The following MTBP variants were observed in gnomAD, a reference collection of about 807,000 sequenced individuals.
MTBP encodes mdm2-binding protein.
In MTBP, 101 loss-of-function variants were observed where a neutral mutation model predicts 117.0. The ratio of observed to expected loss-of-function variants is 0.86; its 90% CI spans 0.73 to 1.02. The LOEUF (loss-of-function observed/expected upper bound fraction) is 1.02, where lower values mean the gene tolerates loss of function less well. Ranked by LOEUF, MTBP falls within the 50% of genes least tolerant of loss-of-function variation. The probability of loss-of-function intolerance (pLI) is 0.00; values close to 1 mark genes in which losing one functional copy is unlikely to be tolerated. For synonymous variants in MTBP, 350 were observed against 351.5 expected (o/e 1.00, Z 0.05); for missense variants, 970 against 1,030.9 (o/e 0.94, Z 0.81).
intron 11 of MTBP, among the ~76,000 whole-genome samples, chr8:120,476,145 A>G (rs918895476): frequency 2.6e-5 from 4 of 152,198 alleles, no homozygotes; most frequent in Middle Eastern, 3.4e-3. Flanking sequence ...CACATCATGT[A>G]TACTTTTGTT....
intron 6 of MTBP, among the ~76,000 whole-genome samples, chr8:120,455,890 T>C: frequency 6.6e-6 from 1 of 152,108 alleles, no homozygotes; most frequent in East Asian, 1.9e-4. Flanking sequence ...TCATGTTGTA[T>C]TTGGTTTTCT....
intron 14 of MTBP, among the ~76,000 whole-genome samples, chr8:120,501,019 G>A (rs1278119311): frequency 5.3e-5 from 8 of 151,986 alleles, no homozygotes; most frequent in South Asian, 2.1e-4. Flanking sequence ...GTGAAACCCC[G>A]TCCCTACTGA....
At position 120,453,903 on chromosome 8, in the gene MTBP, C is replaced by A; in HGVS notation, c.482C>A (p.Pro161His). The A allele has an allele frequency of 6.4e-7, 1 of 1,551,482 alleles. No individual in the cohort carries two copies. The highest frequency in any genetic ancestry group is 8.8e-7 in the Non-Finnish European group (1 of 1,138,232). Residue 161 changes from proline to histidine, a missense_variant and splice_region_variant, in exon 5 of 22, where the codon CCT (proline) becomes CAT (histidine). Physicochemically the swap from Pro to His is moderately conservative, Grantham distance 77. Coordinates refer to ENST00000305949, the MANE Select transcript of MTBP (RefSeq NM_022045.5). Reference protein sequence around the residue: ...LHQLSDKLPAPGRAMVDIILL... With the variant: ...LHQLSDKLPAHGRAMVDIILL... ...CAGCTGTCAGACAAGCTTCCTGCTC[C>A]TGGTAATATTTTATGACTGCTTTCA...
At chr8:120,449,625 T>C (rs2130505037) in intron 2 of MTBP, among the ~76,000 whole-genome samples, 1 of 152,144 alleles carries the variant, frequency 6.6e-6, no homozygotes, top group Non-Finnish European at 1.5e-5. Context: ...TGCTTACGGA[T>C]AGTAGGGAGA....
At chr8:120,484,719 C>T (rs553037178) in intron 11 of MTBP, among the ~76,000 whole-genome samples, 154 of 152,256 alleles carry the variant, frequency 1.0e-3, no homozygotes, top group African/African-American at 3.7e-3. Context: ...AATATAATCA[C>T]AGAATTGTGC....
chr8:120,452,374 G>C (rs1813374927), intron 4 of MTBP: 2 of 152,180 alleles, frequency 1.3e-5, no homozygotes, highest in African/African-American at 4.8e-5. Context: ...CCAGGGATTA[G>C]TAGAGGTAGA....
intron 12 of MTBP, among the ~76,000 whole-genome samples, chr8:120,489,006 C>T (rs1220108975): frequency 1.3e-5 from 2 of 149,146 alleles, no homozygotes; most frequent in Admixed American, 1.3e-4. Context: ...CTAGCTTGGG[C>T]TTCCTTACAA....
chr8:120,454,587 A>C (rs962532614), intron 5 of MTBP, among the ~76,000 whole-genome samples: 1 of 152,036 alleles, frequency 6.6e-6, no homozygotes, highest in African/African-American at 2.4e-5. Flanking sequence ...CTAGGAGCCA[A>C]GTGTACCATG....
chr8:120,446,043 TTTGCGA>T lies in MTBP; in HGVS notation c.119-385_119-380del, dbSNP rs368138039. On this transcript the variant is annotated intron_variant, in intron 1 of 21. Coordinates refer to ENST00000305949, the MANE Select transcript of MTBP (RefSeq NM_022045.5). ...GATGAATTTTAAATGATTTTAATTGTTTGCGATTGCACTGCTTTTTGGTGCACCCGT... is the reference window on the plus strand; with the variant it reads ...GATGAATTTTAAATGATTTTAATTGTTTGCACTGCTTTTTGGTGCACCCGT... Among the ~76,000 whole-genome samples, 1,136 of 152,354 alleles carry T rather than the reference TTTGCGA, an allele frequency of 7.5e-3. 17 individuals carry two copies. The highest frequency in any genetic ancestry group is 0.025 in the African/African-American group (1,036 of 41,584).
intron 17 of MTBP, among the ~76,000 whole-genome samples, chr8:120,512,432 G>A (rs560044440): frequency 6.6e-5 from 10 of 151,600 alleles, no homozygotes; most frequent in African/African-American, 1.7e-4. Flanking sequence ...TCTCCATCTC[G>A]CTACTCTTTT....
At chr8:120,515,164 T>C (rs1814894589) in intron 17 of MTBP, among the ~76,000 whole-genome samples, 1 of 152,036 alleles carries the variant, frequency 6.6e-6, no homozygotes, top group Non-Finnish European at 1.5e-5. Context: ...ATTTGTACAG[T>C]GCTACCATCA....
At chr8:120,517,811 G>A (rs373548840) in intron 18 of MTBP, 40 bp from the exon 19 acceptor site, 12 of 1,569,406 alleles carry the variant, frequency 7.6e-6, no homozygotes, top group African/African-American at 2.7e-5. Context: ...ATGTTGATTC[G>A]CTTAATCTAC....
intron 17 of MTBP, among the ~76,000 whole-genome samples, chr8:120,515,530 T>A (rs1814900946): frequency 6.6e-6 from 1 of 152,062 alleles, no homozygotes; most frequent in Non-Finnish European, 1.5e-5. Context: ...GTGTTGAGAA[T>A]AAACTTGCCC....
In MTBP at chr8:120,445,624, G is replaced by T. The variant is rs773478167; in HGVS notation, c.118+36G>T. ...GGATGAGAAAGAGCGGGAACGGCTT[G>T]TGGAGAGGGGAAGAAGTTTGAGTTT... On this transcript the variant is annotated intron_variant, in intron 1 of 21. Coordinates refer to ENST00000305949, the MANE Select transcript of MTBP (RefSeq NM_022045.5). 33 of 1,518,600 alleles carry T rather than the reference G, an allele frequency of 2.2e-5. No individual in the cohort carries two copies. The African/African-American group carries it at 4.0e-4, about 19-fold the overall frequency. 94.1% of individuals were successfully genotyped at this position (1,518,600 alleles called of 1,614,324 possible). A position where few individuals can be genotyped will look rare whatever the true frequency, so the allele number is the denominator to read the frequency against.
At chr8:120,469,866 T>G (rs1230959794) in intron 10 of MTBP, among the ~76,000 whole-genome samples, 1 of 152,210 alleles carries the variant, frequency 6.6e-6, no homozygotes, top group African/African-American at 2.4e-5. Context: ...AATATTTATT[T>G]TTATATCTGT....
intron 11 of MTBP, among the ~76,000 whole-genome samples, chr8:120,476,302 C>T (rs1813937693): frequency 6.6e-6 from 1 of 152,086 alleles, no homozygotes; most frequent in Admixed American, 6.6e-5. Context: ...CAATATCATA[C>T]TGAATGGGCA....
At position 120,448,914 on chromosome 8, in the gene MTBP, A is replaced by G. The variant is rs541740557; in HGVS notation, c.200-2089A>G. ...ATAATTGGGATAAGGGTGGAGAGGT[A>G]GGCATGGCTATTTAGAGGATTTTGT... On this transcript the variant is annotated intron_variant, in intron 2 of 21. Coordinates refer to ENST00000305949, the MANE Select transcript of MTBP (RefSeq NM_022045.5). Among the ~76,000 whole-genome samples, 3 of 152,300 alleles carry G rather than the reference A, an allele frequency of 2.0e-5. No homozygotes were observed. In the East Asian group the frequency reaches 5.8e-4, roughly 29 times the overall value.
chr8:120,509,088 A>G (rs962472199), intron 16 of MTBP, among the ~76,000 whole-genome samples: 1 of 152,190 alleles, frequency 6.6e-6, no homozygotes, highest in African/African-American at 2.4e-5. Flanking sequence ...GTTAGTCTCT[A>G]TACCCTCTGA....
At chr8:120,449,140 G>C (rs912755724) in intron 2 of MTBP, among the ~76,000 whole-genome samples, 1 of 152,138 alleles carries the variant, frequency 6.6e-6, no homozygotes, top group Non-Finnish European at 1.5e-5. Flanking sequence ...GAGGCAGCCA[G>C]GGTGGAGGAA....
Sources: allele counts gnomAD v4.1 joint callset (sites outside exome capture counted in the v4.1 genomes callset), GRCh38; gene constraint gnomAD v4.1.1; transcripts MANE v1.5; gene names NCBI Gene and HGNC (gene_info 2026-07-23, HGNC 2026-07-21).